Variants in WDFY3 observed in about 807,000 individuals in gnomAD.
WDFY3 encodes the protein WD repeat and FYVE domain containing 3, also known as WD repeat and FYVE domain-containing protein 3.
Under a neutral mutation model 409.6 loss-of-function variants are expected in WDFY3, and 66 were observed. That is an observed-to-expected ratio of 0.16 (90% CI 0.13 to 0.20). The LOEUF (loss-of-function observed/expected upper bound fraction) is 0.20. WDFY3 is among the 10% of genes least tolerant of loss of function. The pLI, the probability that WDFY3 is intolerant of heterozygous loss-of-function variation, is 1.00. For missense variants in WDFY3, 3,031 were observed against 4,298.1 expected (o/e 0.71, Z 8.24); for synonymous variants, 1,521 against 1,537.1 (o/e 0.99, Z 0.25).
At chr4:84,792,596 G>C (rs1748710611) in intron 21 of WDFY3, among the ~76,000 whole-genome samples, 1 of 152,144 alleles carries the variant, frequency 6.6e-6, no homozygotes, top group Non-Finnish European at 1.5e-5. Flanking sequence ...GGTTACAGCT[G>C]TTCGGAGAAT....
intron 1 of WDFY3, among the ~76,000 whole-genome samples, chr4:84,951,493 T>C (rs1001648706): frequency 2.0e-5 from 3 of 152,178 alleles, no homozygotes; most frequent in African/African-American, 7.2e-5. Flanking sequence ...ACAGATGATG[T>C]AATATAAAAA....
chr4:84,723,137 T>C (rs189516136), intron 46 of WDFY3, among the ~76,000 whole-genome samples: 1 of 152,338 alleles, frequency 6.6e-6, no homozygotes, highest in Admixed American at 6.5e-5. Flanking sequence ...AGCAACAGCT[T>C]TGGACCCAAT....
At chr4:84,884,976 A>G (rs1344233365) in intron 3 of WDFY3, among the ~76,000 whole-genome samples, 1 of 152,144 alleles carries the variant, frequency 6.6e-6, no homozygotes, top group East Asian at 1.9e-4. Context: ...CTATACAGCT[A>G]ATAGAAGAAC....
At chr4:84,803,217 C>A (rs1412263216) in intron 16 of WDFY3, 73 bp downstream of exon 16, 4 of 1,434,914 alleles carry the variant, frequency 2.8e-6, no homozygotes, top group Non-Finnish European at 3.7e-6. Flanking sequence ...AACCCCCTAG[C>A]TCATATAATC....
At chr4:84,911,848 A>C (rs949542542) in intron 2 of WDFY3, among the ~76,000 whole-genome samples, 6 of 152,238 alleles carry the variant, frequency 3.9e-5, no homozygotes, top group African/African-American at 1.4e-4. Context: ...ACTGTAGTAC[A>C]TGGTGCCATT....
At chr4:84,793,675 G>A (rs1748893812) in intron 21 of WDFY3, among the ~76,000 whole-genome samples, 1 of 152,172 alleles carries the variant, frequency 6.6e-6, no homozygotes. Flanking sequence ...TAGTCAACAG[G>A]ACTACATGCT....
chr4:84,794,652 G>A lies in WDFY3; in HGVS notation c.3354C>T (p.His1118=). ...GCACAACAGTAAGAAGTCTGACAGG[G>A]TGGTTATTTGGAGGAGAACTAAAAT... ...IEHFSSPPNN[H]PVRLLTVVRR... The change falls in exon 21 of 68, where the codon CAC becomes CAT. Residue 1118 remains histidine, a synonymous_variant. Transcript: ENST00000295888. 6.2e-7 allele frequency: 1 copy of A among 1,613,982 alleles called. No individual in the cohort carries two copies. The highest frequency in any genetic ancestry group is 8.5e-7 in the Non-Finnish European group (1 of 1,180,010).
chr4:84,814,372 G>A (rs555136369), intron 13 of WDFY3, among the ~76,000 whole-genome samples: 4 of 152,208 alleles, frequency 2.6e-5, no homozygotes, highest in Admixed American at 1.3e-4. Flanking sequence ...TGTTCTTTGC[G>A]GAGAATGCTA....
chr4:84,908,324 A>G (rs562078398), intron 2 of WDFY3, among the ~76,000 whole-genome samples: 1 of 152,340 alleles, frequency 6.6e-6, no homozygotes, highest in Middle Eastern at 3.4e-3. Flanking sequence ...TTTAGAAGGT[A>G]GAAAGATAGA....
chr4:84,939,529 C>T (rs932280051), intron 1 of WDFY3, among the ~76,000 whole-genome samples: 1 of 152,160 alleles, frequency 6.6e-6, no homozygotes, highest in Non-Finnish European at 1.5e-5. Context: ...ATTTTTCCAA[C>T]TCTAAAGCTC....
At chr4:84,762,648 A>G (rs528625947) in intron 32 of WDFY3, among the ~76,000 whole-genome samples, 1 of 152,210 alleles carries the variant, frequency 6.6e-6, no homozygotes, top group East Asian at 1.9e-4. Context: ...GCATAAGTGG[A>G]GGCACTATGA....
At chr4:84,696,213 G>A (rs1225734913) in intron 57 of WDFY3, 31 bp from the exon 58 acceptor site, 4 of 1,602,010 alleles carry the variant, frequency 2.5e-6, no homozygotes, top group Non-Finnish European at 3.4e-6. Context: ...TTAGTCACTG[G>A]CTGACTTCTA....
In WDFY3 at chr4:84,850,042, A is replaced by G; in HGVS notation, c.181-17T>C. 1.9e-6 allele frequency: 3 copies of G among 1,563,194 alleles called. No individual in the cohort carries two copies. The highest frequency in any genetic ancestry group is 2.4e-5 in the South Asian group (2 of 82,640). ...TCCAAAAACCTGTAGATAAGAAAAG[A>G]CATTGTTAATGAAGCACTGACAAAT... On this transcript the variant is annotated splice_polypyrimidine_tract_variant and intron_variant, in intron 4 of 67. Coordinates refer to ENST00000295888, the MANE Select transcript of WDFY3 (RefSeq NM_014991.6).
At chr4:84,909,427 A>G (rs1312975389) in intron 2 of WDFY3, among the ~76,000 whole-genome samples, 1 of 152,078 alleles carries the variant, frequency 6.6e-6, no homozygotes, top group Non-Finnish European at 1.5e-5. Flanking sequence ...CAAATGTACT[A>G]CAGAAAAATA....
At position 84,743,767 on chromosome 4, in the gene WDFY3, T is replaced by G. The variant is rs763731467; in HGVS notation, c.6006A>C (p.Gln2002His). 6.3e-6 allele frequency: 10 copies of G among 1,597,018 alleles called. No homozygotes were observed. Among genetic ancestry groups the G allele is most frequent in the Non-Finnish European group, 6.8e-6 (8 of 1,169,550 alleles). ...ASPERSTRTQ[Q>H]KEFQTYILDS... Reference sequence around the variant, plus strand: ...CCAAAATGTAAGTTTGAAATTCTTTTTGCTGAGTTCTTGTAGACCTTTCAG... The same window carrying G: ...CCAAAATGTAAGTTTGAAATTCTTTGTGCTGAGTTCTTGTAGACCTTTCAG... Residue 2002 changes from glutamine (Q) to histidine (H), a missense_variant, in exon 37 of 68, where the codon CAA (glutamine) becomes CAC (histidine). Physicochemically the swap from Gln to His is conservative, Grantham distance 24. Around this residue, in one of 16 missense-constraint regions of WDFY3, gnomAD observed 314 missense variants for 397.4 expected, o/e 0.79. Coordinates refer to ENST00000295888, the MANE Select transcript of WDFY3 (RefSeq NM_014991.6).
chr4:84,856,427 A>G (rs1217079575), intron 4 of WDFY3, among the ~76,000 whole-genome samples: 1 of 152,092 alleles, frequency 6.6e-6, no homozygotes, highest in Non-Finnish European at 1.5e-5. Context: ...GTTTAAACCA[A>G]ATGTTTTCTT....
intron 32 of WDFY3, among the ~76,000 whole-genome samples, chr4:84,762,228 G>GA (rs1208678230): frequency 6.6e-6 from 1 of 151,416 alleles, no homozygotes; most frequent in East Asian, 1.9e-4. Flanking sequence ...GTCCAACAAT[G>GA]ATAGACTGGA....
At chr4:84,774,051 A>T (rs914814570) in intron 29 of WDFY3, among the ~76,000 whole-genome samples, 1 of 152,212 alleles carries the variant, frequency 6.6e-6, no homozygotes, top group Non-Finnish European at 1.5e-5. Flanking sequence ...TTGAAGGCAA[A>T]TTAATAAAAA....
chr4:84,820,076 T>C lies in WDFY3; in HGVS notation c.1693+9A>G, dbSNP rs958746038. ...TCCCAAAGTATTTGCTTGCAGCTTT[T>C]TAAATTACCTGCATTTGTGTTTGAT... On this transcript the variant is annotated intron_variant, in intron 12 of 67. Coordinates refer to ENST00000295888, the MANE Select transcript of WDFY3 (RefSeq NM_014991.6). 2 of 1,591,468 alleles carry C rather than the reference T, an allele frequency of 1.3e-6. No homozygotes were observed. Among genetic ancestry groups the C allele is most frequent in the African/African-American group, 2.7e-5 (2 of 73,832 alleles).
Sources: allele counts gnomAD v4.1 joint callset (sites outside exome capture counted in the v4.1 genomes callset), GRCh38; gene constraint gnomAD v4.1.1; regional missense constraint gnomAD v4.1.1; transcripts MANE v1.5; gene names NCBI Gene and HGNC (gene_info 2026-07-23, HGNC 2026-07-21).